Variants in LTBP2 observed in about 807,000 individuals in gnomAD.
LTBP2 encodes latent transforming growth factor beta binding protein 2.
In LTBP2, 103 loss-of-function variants were observed where a neutral mutation model predicts 210.6. The observed-to-expected ratio is 0.49, with a 90% CI of 0.42 to 0.58. The LOEUF (loss-of-function observed/expected upper bound fraction) is 0.58, where lower values mean the gene tolerates loss of function less well. Ranked by LOEUF, LTBP2 falls within the 20% of genes least tolerant of loss-of-function variation. The pLI, the probability that LTBP2 is intolerant of heterozygous loss-of-function variation, is 0.00. For synonymous variants in LTBP2, 1,007 were observed against 1,015.0 expected, an observed-to-expected ratio of 0.99 and a Z score of 0.15; for missense variants, 2,313 against 2,494.5, an observed-to-expected ratio of 0.93 and a Z score of 1.55.
chr14:74,524,473 G>A (rs1267145015), intron 15 of LTBP2, among the ~76,000 whole-genome samples: 3 of 152,060 alleles, frequency 2.0e-5, no homozygotes, highest in Non-Finnish European at 4.4e-5. Context: ...GGAGCCCCAG[G>A]AGCGGGCACA....
chr14:74,540,856 ATT>A (rs1566630047), intron 8 of LTBP2, among the ~76,000 whole-genome samples: 13 of 87,702 alleles, frequency 1.5e-4, no homozygotes, highest in African/African-American at 4.3e-4. Flanking sequence ...TATTATATAT[ATT>A]ATATATATTT....
chr14:74,604,046 C>T (rs1172616259), intron 1 of LTBP2, among the ~76,000 whole-genome samples: 1 of 151,614 alleles, frequency 6.6e-6, no homozygotes, highest in East Asian at 1.9e-4. Context: ...AGCTAATAAG[C>T]CACTTCAGAG....
intron 2 of LTBP2, among the ~76,000 whole-genome samples, chr14:74,596,220 G>A (rs2088358393): frequency 9.9e-6 from 1 of 101,172 alleles, no homozygotes; most frequent in African/African-American, 3.4e-5. Flanking sequence ...GCCAGATGCT[G>A]TTTCAAAAAT....
chr14:74,585,770 C>T, intron 3 of LTBP2, 84 bp downstream of exon 3: 7 of 1,603,270 alleles, frequency 4.4e-6, no homozygotes, highest in Non-Finnish European at 6.0e-6. Flanking sequence ...CTCCACCAGC[C>T]TTCACCAAAC....
In LTBP2 at chr14:74,527,647, G is replaced by A. The variant is rs886629390; in HGVS notation, c.2369-281C>T. Among the ~76,000 whole-genome samples the A allele has an allele frequency of 7.2e-5, 11 of 152,292 alleles. No homozygotes were observed. In the East Asian group the frequency reaches 1.2e-3, roughly 16 times the overall value. ...AGGCCCTGCTTTCCTGTAAGGCCTC[G>A]GGTGACAGGAGTCCCACCTGCTCCC... On this transcript the variant is annotated intron_variant, in intron 12 of 35. Coordinates refer to ENST00000261978, the MANE Select transcript of LTBP2 (RefSeq NM_000428.3).
chr14:74,522,454 G>C (rs2087218557), intron 16 of LTBP2, among the ~76,000 whole-genome samples: 1 of 152,150 alleles, frequency 6.6e-6, no homozygotes, highest in Non-Finnish European at 1.5e-5. Flanking sequence ...AACTGGGGCA[G>C]TCCTGGGTGT....
At chr14:74,536,024 G>A (rs779411386) in intron 8 of LTBP2, 24 bp from the exon 9 acceptor site, 1 of 1,606,136 alleles carries the variant, frequency 6.2e-7, no homozygotes, top group South Asian at 1.1e-5. Flanking sequence ...ATACGGACAG[G>A]TCTCACTGGA....
chr14:74,540,800 T>TACA (rs1324397561), intron 8 of LTBP2, among the ~76,000 whole-genome samples: 2 of 18,594 alleles, frequency 1.1e-4, no homozygotes, highest in African/African-American at 1.5e-4. Flanking sequence ...TATATTTATA[T>TACA]ATATATATAA....
intron 3 of LTBP2, among the ~76,000 whole-genome samples, chr14:74,569,554 G>A (rs536053833): frequency 6.6e-6 from 1 of 152,240 alleles, no homozygotes; most frequent in Admixed American, 6.5e-5. Context: ...TGCCAAAAGG[G>A]GGTTACTCCT....
At chr14:74,518,785 C>T (rs1001620798) in intron 17 of LTBP2, among the ~76,000 whole-genome samples, 3 of 152,244 alleles carry the variant, frequency 2.0e-5, no homozygotes, top group Non-Finnish European at 4.4e-5. Context: ...GATTCTGATC[C>T]TGCTGTACTG....
At chr14:74,520,585 A>G (rs893283806) in intron 17 of LTBP2, among the ~76,000 whole-genome samples, 7 of 152,084 alleles carry the variant, frequency 4.6e-5, no homozygotes, top group African/African-American at 1.7e-4. Flanking sequence ...GGTGGATCAC[A>G]AGATCAGGAG....
chr14:74,511,310 G>A lies in LTBP2; in HGVS notation c.2963C>T (p.Ser988Phe). 31 of 1,614,120 alleles carry A rather than the reference G, an allele frequency of 1.9e-5. No individual in the cohort carries two copies. Among genetic ancestry groups the A allele is most frequent in the Non-Finnish European group, 2.6e-5 (31 of 1,180,026 alleles). ...GGCCAGACAAGTGTAGGAGCCAGGG[G>A]AATTGACGCATCTCCCATCAGGGCA... ...GTCPDGRCVN[S>F]PGSYTCLACE... The change falls in exon 19 of 36, where the codon TCC (serine) becomes TTC (phenylalanine). Residue 988 changes from serine to phenylalanine, a missense_variant. This residue lies in a region of LTBP2 where 1,867 missense variants were observed against 1,976.9 expected (regional missense o/e 0.94). Transcript: ENST00000261978.
chr14:74,577,643 G>A (rs1394096272), intron 3 of LTBP2, among the ~76,000 whole-genome samples: 3 of 151,682 alleles, frequency 2.0e-5, no homozygotes, highest in African/African-American at 7.3e-5. Flanking sequence ...CAAGTAGCTG[G>A]GATTACAGAT....
chr14:74,564,061 TTA>T lies in LTBP2; in HGVS notation c.831-8370_831-8369del, dbSNP rs1222689618. Among the ~76,000 whole-genome samples, 72 of 28,144 alleles carry T rather than the reference TTA, an allele frequency of 2.6e-3. 1 individual carries two copies. The highest frequency in any genetic ancestry group is 8.8e-3 in the African/African-American group (50 of 5,684). The allele number at this position is 28,144 out of a possible 152,430, so 18.5% of individuals were successfully genotyped here. On this transcript the variant is annotated intron_variant, in intron 3 of 35. Coordinates refer to ENST00000261978, the MANE Select transcript of LTBP2 (RefSeq NM_000428.3). The stretch of plus-strand genomic sequence containing the variant: ...TATATATATATATTTATATATATAT[TTA>T]TATATATATATTTATATATATATTT...
chr14:74,534,339 C>T (rs1374553357), intron 9 of LTBP2, among the ~76,000 whole-genome samples: 1 of 152,224 alleles, frequency 6.6e-6, no homozygotes, highest in Non-Finnish European at 1.5e-5. Flanking sequence ...AGACATGTGG[C>T]ATCTCCCGTG....
chr14:74,502,941 G>A lies in LTBP2; in HGVS notation c.4889-7C>T, dbSNP rs202000320. On this transcript the variant is annotated splice_region_variant and splice_polypyrimidine_tract_variant and intron_variant, in intron 33 of 35. Coordinates refer to ENST00000261978, the MANE Select transcript of LTBP2 (RefSeq NM_000428.3). ...CACAGCTGAGCATAGACCTCTGTCA[G>A]GGAGGAGGGAGAGAAGGAGCTGGGT... 2 of 1,610,524 alleles carry A rather than the reference G, an allele frequency of 1.2e-6. No individual in the cohort carries two copies. The highest frequency in any genetic ancestry group is 2.2e-5 in the East Asian group (1 of 44,862).
At chr14:74,542,516 T>C (rs2087521534) in intron 8 of LTBP2, among the ~76,000 whole-genome samples, 1 of 152,198 alleles carries the variant, frequency 6.6e-6, no homozygotes, top group Non-Finnish European at 1.5e-5. Context: ...GAAAGGTCCC[T>C]ACCACACAGC....
chr14:74,557,705 C>G (rs967178593), intron 3 of LTBP2, among the ~76,000 whole-genome samples: 1 of 151,592 alleles, frequency 6.6e-6, no homozygotes, highest in Non-Finnish European at 1.5e-5. Flanking sequence ...GTCATTGTCA[C>G]AATGTCTATG....
chr14:74,563,649 C>T (rs1057481209), intron 3 of LTBP2, among the ~76,000 whole-genome samples: 2 of 152,140 alleles, frequency 1.3e-5, no homozygotes, highest in Admixed American at 6.5e-5. Flanking sequence ...AGAATAATAC[C>T]TCAAGACATG....
Sources: allele counts gnomAD v4.1 joint callset (sites outside exome capture counted in the v4.1 genomes callset), GRCh38; gene constraint gnomAD v4.1.1; regional missense constraint gnomAD v4.1.1; transcripts MANE v1.5; gene names NCBI Gene and HGNC (gene_info 2026-07-23, HGNC 2026-07-21).